Variants in EPB41L2 observed in about 807,000 individuals in gnomAD.
EPB41L2 encodes the protein erythrocyte membrane protein band 4.1 like 2.
Under a neutral mutation model 113.0 loss-of-function variants are expected in EPB41L2, and 43 were observed. That is an observed-to-expected ratio of 0.38 (90% CI 0.30 to 0.49). EPB41L2 has a LOEUF of 0.49. Among genes scored for constraint, EPB41L2 ranks in the 20% least tolerant of loss-of-function variants. The pLI is 0.95. For synonymous variants in EPB41L2, 442 were observed against 436.7 expected, an observed-to-expected ratio of 1.01 and a Z score of -0.15; for missense variants, 1,147 against 1,223.4, an observed-to-expected ratio of 0.94 and a Z score of 0.93.
intron 1 of EPB41L2, among the ~76,000 whole-genome samples, chr6:131,001,494 T>C (rs997159700): frequency 6.6e-6 from 1 of 152,198 alleles, no homozygotes; most frequent in African/African-American, 2.4e-5. Flanking sequence ...AGAATTTATT[T>C]TTTTAGTTCT....
chr6:130,899,788 A>T (rs986851403), intron 7 of EPB41L2, among the ~76,000 whole-genome samples: 2 of 120,316 alleles, frequency 1.7e-5, no homozygotes, highest in African/African-American at 5.0e-5. Context: ...AACTGCATGG[A>T]GGTATACCTC....
chr6:130,871,059 G>T (rs1446707139), intron 14 of EPB41L2, among the ~76,000 whole-genome samples: 1 of 152,098 alleles, frequency 6.6e-6, no homozygotes, highest in East Asian at 1.9e-4. Context: ...TATTTGACAT[G>T]TTCACTCCTA....
rs146237723 is a variant in EPB41L2, at chr6:130,907,538, G to C, written c.853+1283C>G. On this transcript the variant is annotated intron_variant, in intron 5 of 19. Coordinates refer to ENST00000337057, the MANE Select transcript of EPB41L2 (RefSeq NM_001431.4). Reference sequence around the variant, plus strand: ...TTTAGCACTTAAAGTCTCATATCCTGAGAAGCCCCTCAGTCCTGGGCAAAT... The same window carrying C: ...TTTAGCACTTAAAGTCTCATATCCTCAGAAGCCCCTCAGTCCTGGGCAAAT... 2.0e-3 allele frequency among the ~76,000 whole-genome samples: 303 copies of C among 152,230 alleles called. 3 individuals are homozygous for C. The highest frequency in any genetic ancestry group is 7.1e-3 in the African/African-American group (294 of 41,522).
chr6:130,954,040 C>CTTTCTTTCTTTTTTTTTTTTTTTTTT (rs1816373036), intron 3 of EPB41L2, among the ~76,000 whole-genome samples: 6 of 58,850 alleles, frequency 1.0e-4, no homozygotes, highest in South Asian at 9.3e-4. Flanking sequence ...CCTTTTCTTT[C>CTTTCTTTCTTTTTTTTTTTTTTTTTT]TTTTTTTTTT....
chr6:130,977,157 G>C (rs1212428495), intron 1 of EPB41L2, among the ~76,000 whole-genome samples: 2 of 152,106 alleles, frequency 1.3e-5, no homozygotes, highest in Non-Finnish European at 2.9e-5. Context: ...TAAAACAAAA[G>C]CACCTACCAC....
At chr6:130,891,842 T>C (rs1486991916) in intron 10 of EPB41L2, among the ~76,000 whole-genome samples, 1 of 152,186 alleles carries the variant, frequency 6.6e-6, no homozygotes. Context: ...ATGGCTTCAA[T>C]CTGCAAGCCA....
chr6:130,960,323 A>T (rs1394217530), intron 1 of EPB41L2, among the ~76,000 whole-genome samples: 1 of 152,246 alleles, frequency 6.6e-6, no homozygotes, highest in Admixed American at 6.5e-5. Flanking sequence ...TTTATTCAAA[A>T]TATTCTCTCT....
At chr6:130,864,186 G>A (rs1782992251) in intron 17 of EPB41L2, among the ~76,000 whole-genome samples, 1 of 152,218 alleles carries the variant, frequency 6.6e-6, no homozygotes, top group Non-Finnish European at 1.5e-5. Flanking sequence ...TTTGGTTTGA[G>A]AAACTGTTTG....
intron 12 of EPB41L2, chr6:130,881,920 T>C (rs1789448191): frequency 6.6e-6 from 1 of 152,158 alleles, no homozygotes; most frequent in Non-Finnish European, 1.5e-5. Flanking sequence ...TCATCTGGTC[T>C]CCAAATACTA....
intron 3 of EPB41L2, among the ~76,000 whole-genome samples, chr6:130,952,362 C>A (rs1229230455): frequency 6.6e-6 from 1 of 151,174 alleles, no homozygotes; most frequent in Admixed American, 6.6e-5. Flanking sequence ...CACTAAAGAA[C>A]TATTTCTTAT....
intron 11 of EPB41L2, among the ~76,000 whole-genome samples, chr6:130,889,007 T>TTTC (rs1791936199): frequency 6.6e-6 from 1 of 152,162 alleles, no homozygotes; most frequent in Admixed American, 6.5e-5. Context: ...TCCTTCACTA[T>TTTC]TAAGAAAGCT....
rs1399675659 is a variant in EPB41L2 at position 131,000,132 on chromosome 6, T to C, written c.-14-43633A>G. ...ATTTCCTATAGATGTAAATACCGTA[T>C]AAAGATGTGGAATAGTGGCTTTTTA... is the stretch of plus-strand genomic sequence containing the variant. On this transcript the variant is annotated intron_variant, in intron 1 of 19. Coordinates refer to ENST00000337057, the MANE Select transcript of EPB41L2 (RefSeq NM_001431.4). 2.0e-5 allele frequency among the ~76,000 whole-genome samples: 3 copies of C among 146,960 alleles called. No homozygotes were observed. In the East Asian group the frequency reaches 6.1e-4, roughly 30 times the overall value.
intron 1 of EPB41L2, among the ~76,000 whole-genome samples, chr6:130,986,853 A>G (rs1780676924): frequency 6.6e-6 from 1 of 152,210 alleles, no homozygotes; most frequent in African/African-American, 2.4e-5. Flanking sequence ...ATGTTATATG[A>G]TTTTGATCTC....
At chr6:130,986,597 T>G (rs1780612311) in intron 1 of EPB41L2, among the ~76,000 whole-genome samples, 1 of 151,892 alleles carries the variant, frequency 6.6e-6, no homozygotes, top group South Asian at 2.1e-4. Flanking sequence ...CTTTTTTTTT[T>G]TTTGAGATGG....
intron 1 of EPB41L2, among the ~76,000 whole-genome samples, chr6:130,969,889 A>C (rs1368724023): frequency 6.6e-6 from 1 of 152,152 alleles, no homozygotes; most frequent in African/African-American, 2.4e-5. Context: ...AAAATTGTGA[A>C]ACAACCAGAC....
chr6:130,904,483 A>G lies in EPB41L2; in HGVS notation c.911T>C (p.Leu304Ser), dbSNP rs763140706. ...VKFYPPDPSQLTEDITRYFLC... is the reference protein window; with the variant it reads ...VKFYPPDPSQSTEDITRYFLC... ...AAAGTACCTGGTGATATCTTCAGTCAATTGAGAAGGATCAGGAGGATAAAA... is the reference window on the plus strand; with the variant it reads ...AAAGTACCTGGTGATATCTTCAGTCGATTGAGAAGGATCAGGAGGATAAAA... The change falls in exon 6 of 20, where the codon TTG (leucine) becomes TCG (serine). Residue 304 changes from leucine (L) to serine (S), a missense_variant. Physicochemically the swap from Leu to Ser is moderately radical, Grantham distance 145 (BLOSUM62 -2). Coordinates refer to ENST00000337057, the MANE Select transcript of EPB41L2 (RefSeq NM_001431.4). The G allele has an allele frequency of 1.1e-5, 17 of 1,594,848 alleles. No individual in the cohort carries two copies. The highest frequency in any genetic ancestry group is 1.7e-5 in the Admixed American group (1 of 59,046).
At chr6:130,958,472 A>AC (rs1818253625) in intron 1 of EPB41L2, among the ~76,000 whole-genome samples, 2 of 101,680 alleles carry the variant, frequency 2.0e-5, no homozygotes, top group East Asian at 3.1e-4. Context: ...CAACAACAAA[A>AC]AAAAAAAAAA....
intron 1 of EPB41L2, among the ~76,000 whole-genome samples, chr6:130,960,357 A>C (rs2128631734): frequency 6.6e-6 from 1 of 152,336 alleles, no homozygotes; most frequent in East Asian, 1.9e-4. Flanking sequence ...TTTATAGATG[A>C]ATTTAAATAA....
At chr6:131,022,720 G>GTCATCA (rs939179225) in intron 1 of EPB41L2, among the ~76,000 whole-genome samples, 1 of 152,114 alleles carries the variant, frequency 6.6e-6, no homozygotes, top group Non-Finnish European at 1.5e-5. Context: ...TAAAAACAGT[G>GTCATCA]TCATCATCAT....
Sources: gnomAD v4.1 joint callset for allele counts (sites outside exome capture counted in the v4.1 genomes callset) on GRCh38, gnomAD v4.1.1 for gene constraint, MANE v1.5 for transcripts, NCBI Gene and HGNC (gene_info 2026-07-23, HGNC 2026-07-21) for gene names.